The following DAB1 variants were observed in gnomAD, a reference collection of about 807,000 sequenced individuals.
DAB1 encodes DAB adaptor protein 1, also known as disabled homolog 1.
A neutral mutation model predicts 64.6 loss-of-function variants in DAB1; 15 were observed. The observed-to-expected ratio is 0.23, with a 90% confidence interval of 0.16 to 0.36. The LOEUF (loss-of-function observed/expected upper bound fraction) is 0.36, where lower values mean the gene tolerates loss of function less well. DAB1 is among the 10% of genes least tolerant of loss of function. The pLI, the probability that DAB1 is intolerant of heterozygous loss-of-function variation, is 1.00. For synonymous variants in DAB1, 235 were observed against 251.9 expected, an observed-to-expected ratio of 0.93 and a Z score of 0.64; for missense variants, 596 against 706.7, an observed-to-expected ratio of 0.84 and a Z score of 1.78.
At chr1:58,469,884 A>G (rs962383498) in intron 3 of DAB1, among the ~76,000 whole-genome samples, 40 of 152,242 alleles carry the variant, frequency 2.6e-4, no homozygotes, top group African/African-American at 8.9e-4. Flanking sequence ...TTAAAAATAA[A>G]TAATAATACT....
chr1:57,611,745 C>A (rs1440212918), intron 7 of DAB1, among the ~76,000 whole-genome samples: 5 of 152,154 alleles, frequency 3.3e-5, no homozygotes, highest in African/African-American at 1.2e-4. Flanking sequence ...CATCTGGCAG[C>A]AGCCCCTAGC....
chr1:58,250,496 G>C lies in DAB1; in HGVS notation n.309+92856C>G, dbSNP rs189356976. Among the ~76,000 whole-genome samples, 264 of 152,340 alleles carry C rather than the reference G, an allele frequency of 1.7e-3. 1 individual carries two copies. Among genetic ancestry groups the C allele is most frequent in the African/African-American group, 6.0e-3 (249 of 41,584 alleles). ...AGCAGTAGCAGCAGCAGCAGCAGTA[G>C]AGATAGTGCCGGCTCTCTGCAGGCC... On this transcript the variant is annotated intron_variant and non_coding_transcript_variant, in intron 4 of 20. Transcript: ENST00000485760.
At chr1:58,269,416 G>T (rs1488274255) in intron 4 of DAB1, among the ~76,000 whole-genome samples, 2 of 149,848 alleles carry the variant, frequency 1.3e-5, no homozygotes, top group South Asian at 2.1e-4. Context: ...GTCTATCATT[G>T]TTGGACATTT....
chr1:58,493,859 T>C (rs954667100), intron 3 of DAB1, among the ~76,000 whole-genome samples: 5 of 151,704 alleles, frequency 3.3e-5, no homozygotes, highest in African/African-American at 1.2e-4. Context: ...AATTTATAGA[T>C]TCAATGCCAT....
intron 5 of DAB1, among the ~76,000 whole-genome samples, chr1:57,915,771 C>T (rs1644717639): frequency 6.6e-6 from 1 of 152,128 alleles, no homozygotes; most frequent in South Asian, 2.1e-4. Flanking sequence ...CTCGGAGCCC[C>T]TTCAGTCCAA....
intron 9 of DAB1, among the ~76,000 whole-genome samples, chr1:57,057,873 G>A (rs571855540): frequency 6.6e-6 from 1 of 152,118 alleles, no homozygotes; most frequent in Non-Finnish European, 1.5e-5. Flanking sequence ...CTCCCAAAGT[G>A]CTGGGATTAC....
intron 1 of DAB1, among the ~76,000 whole-genome samples, chr1:58,530,152 A>ACTG (rs1569960324): frequency 6.6e-6 from 1 of 152,190 alleles, no homozygotes; most frequent in East Asian, 1.9e-4. Context: ...AAGTGCTGAG[A>ACTG]TTACAGGCAT....
At chr1:58,291,893 A>G (rs1661850221) in intron 4 of DAB1, among the ~76,000 whole-genome samples, 1 of 152,212 alleles carries the variant, frequency 6.6e-6, no homozygotes, top group Admixed American at 6.5e-5. Context: ...TACCCAGCTT[A>G]AAAATTATTT....
chr1:57,956,061 T>G (rs942567255), intron 5 of DAB1, among the ~76,000 whole-genome samples: 2 of 152,254 alleles, frequency 1.3e-5, no homozygotes, highest in East Asian at 3.9e-4. Flanking sequence ...TTGAGCAGTA[T>G]TGATCAGGAA....
intron 6 of DAB1, among the ~76,000 whole-genome samples, chr1:57,727,654 TTCTC>T (rs1390786093): frequency 6.6e-6 from 1 of 151,896 alleles, no homozygotes; most frequent in Non-Finnish European, 1.5e-5. Context: ...CAATCTCACT[TTCTC>T]TCTCCTCTTC....
intron 1 of DAB1, among the ~76,000 whole-genome samples, chr1:57,404,302 G>C (rs1683466451): frequency 6.6e-6 from 1 of 152,152 alleles, no homozygotes; most frequent in African/African-American, 2.4e-5. Context: ...GCAAAAAATA[G>C]AAAAATAATC....
At position 58,150,558 on chromosome 1, in the gene DAB1, G is replaced by C. The variant is rs572946232; in HGVS notation, n.340C>G. The C allele has an allele frequency of 7.4e-5, 11 of 149,088 alleles. 1 individual carries two copies. The East Asian group carries it at 2.2e-3, about 30-fold the overall frequency. The allele number at this position is 149,088 out of a possible 1,614,324, so 9.2% of individuals were successfully genotyped here. ...TCACACTCTCCAAGGCAGTGAATTT[G>C]CATTTAGGTAAAATACGAAGACTGG... On this transcript the variant is annotated non_coding_transcript_exon_variant, in exon 5 of 21. Coordinates refer to the DAB1 transcript ENST00000485760.
At chr1:58,313,922 A>G (rs1662491063) in intron 4 of DAB1, among the ~76,000 whole-genome samples, 1 of 151,312 alleles carries the variant, frequency 6.6e-6, no homozygotes, top group Admixed American at 6.6e-5. Flanking sequence ...CCAAGTCCTC[A>G]CCTCCAAGAA....
chr1:57,766,293 A>G (rs939251036), intron 6 of DAB1, among the ~76,000 whole-genome samples: 1 of 151,820 alleles, frequency 6.6e-6, no homozygotes, highest in African/African-American at 2.4e-5. Context: ...CCAAAAAACA[A>G]AAAACTTAAA....
intron 5 of DAB1, among the ~76,000 whole-genome samples, chr1:58,072,515 AC>A (rs1275878048): frequency 1.3e-5 from 2 of 152,244 alleles, no homozygotes; most frequent in African/African-American, 2.4e-5. Flanking sequence ...GATGGGAGTA[AC>A]AAGACCTCAC....
chr1:57,487,721 A>G (rs1570565910), intron 7 of DAB1, among the ~76,000 whole-genome samples: 1 of 152,292 alleles, frequency 6.6e-6, no homozygotes, highest in Non-Finnish European at 1.5e-5. Flanking sequence ...AGGCTATACC[A>G]TCTAGATTTT....
intron 7 of DAB1, among the ~76,000 whole-genome samples, chr1:57,540,396 C>T (rs1644787513): frequency 6.6e-6 from 1 of 151,942 alleles, no homozygotes; most frequent in Non-Finnish European, 1.5e-5. Context: ...GGAGATCTCT[C>T]AAAAAACTAA....
At position 57,797,549 on chromosome 1, in the gene DAB1, T is replaced by A. The variant is rs987814627; in HGVS notation, n.551+86450A>T. Among the ~76,000 whole-genome samples, 28 of 152,362 alleles carry A rather than the reference T, an allele frequency of 1.8e-4. No individual in the cohort carries two copies. In the Middle Eastern group the frequency reaches 0.01, roughly 56 times the overall value. On this transcript the variant is annotated intron_variant and non_coding_transcript_variant, in intron 6 of 20. Coordinates refer to the DAB1 transcript ENST00000485760. Reference sequence around the variant, plus strand: ...TTAGCTGGAAAACTCAAAGCATTTTTAGTGTTGCATAAAAGCAAACATGAG... The same window carrying A: ...TTAGCTGGAAAACTCAAAGCATTTTAAGTGTTGCATAAAAGCAAACATGAG...
At chr1:57,323,877 T>C (rs1474452946) in intron 1 of DAB1, among the ~76,000 whole-genome samples, 1 of 150,868 alleles carries the variant, frequency 6.6e-6, no homozygotes, top group African/African-American at 2.4e-5. Context: ...TTTCCGAGAG[T>C]GGTGTCAAGC....
Sources: allele counts gnomAD v4.1 joint callset (sites outside exome capture counted in the v4.1 genomes callset), GRCh38; gene constraint gnomAD v4.1.1; transcripts MANE v1.5; gene names NCBI Gene and HGNC (gene_info 2026-07-23, HGNC 2026-07-21).